Variants in AHRR observed in about 807,000 individuals in gnomAD.
AHRR encodes aryl hydrocarbon receptor repressor.
In AHRR, 28 loss-of-function variants were observed where a neutral mutation model predicts 44.0. The observed-to-expected ratio is 0.64, with a 90% CI of 0.47 to 0.87. The LOEUF (loss-of-function observed/expected upper bound fraction) is 0.87, where lower values mean the gene tolerates loss of function less well. AHRR is among the 40% of genes least tolerant of loss of function. The pLI, the probability that AHRR is intolerant of heterozygous loss-of-function variation, is 0.00. For missense variants in AHRR, 990 were observed against 953.9 expected, an observed-to-expected ratio of 1.04 and a Z score of -0.50; for synonymous variants, 434 against 407.0, an observed-to-expected ratio of 1.07 and a Z score of -0.80.
intron 4 of AHRR, among the ~76,000 whole-genome samples, chr5:398,677 T>G (rs1269411810): frequency 1.3e-5 from 2 of 152,186 alleles, no homozygotes; most frequent in Non-Finnish European, 2.9e-5. Context: ...CCACCCCCCT[T>G]GGCTGTTACT....
intron 3 of AHRR, among the ~76,000 whole-genome samples, chr5:371,746 G>A (rs552747573): frequency 6.6e-6 from 1 of 152,326 alleles, no homozygotes; most frequent in Admixed American, 6.5e-5. Flanking sequence ...AATGCTCCCA[G>A]GAGCTGCAGA....
At chr5:340,690 T>TATATATATATA (rs1560881649) in intron 1 of AHRR, among the ~76,000 whole-genome samples, 1 of 15,646 alleles carries the variant, frequency 6.4e-5, no homozygotes, top group African/African-American at 3.2e-4. Flanking sequence ...ATATATATAT[T>TATATATATATA]TTTTTTTTTT....
At chr5:415,599 A>T (rs2720999) in intron 5 of AHRR, among the ~76,000 whole-genome samples, 1 of 107,084 alleles carries the variant, frequency 9.3e-6, no homozygotes, top group Non-Finnish European at 1.9e-5. Flanking sequence ...TAGGGGCCGA[A>T]TCTGCCTGGT....
At position 388,869 on chromosome 5, in the gene AHRR, A is replaced by G. The variant is rs887745331; in HGVS notation, c.351+12153A>G. ...GCTGGGCCAGATGCCTGAGGACACA[A>G]TGCTCATGACAAAAGCAGCAGGTGC... On this transcript the variant is annotated intron_variant, in intron 4 of 10. Transcript: ENST00000684583. This position sits in a 1 kb window ranked among gnomAD's most constrained non-coding sequence, Gnocchi z 5.2. Among the ~76,000 whole-genome samples, 1 of 152,146 alleles carries G rather than the reference A, an allele frequency of 6.6e-6. No individual in the cohort carries two copies. The highest frequency in any genetic ancestry group is 1.5e-5 in the Non-Finnish European group (1 of 68,016).
At chr5:350,775 T>TAAAAAAAAAA (rs11306149) in intron 2 of AHRR, among the ~76,000 whole-genome samples, 2 of 133,496 alleles carry the variant, frequency 1.5e-5, no homozygotes, top group Non-Finnish European at 1.6e-5. Context: ...GGTGCAACAT[T>TAAAAAAAAAA]AAAAAAAAAA....
At chr5:418,657 GC>G (rs138703766) in intron 5 of AHRR, 35,402 of 152,222 alleles carry the variant, frequency 0.23, 5,335 homozygotes, top group Non-Finnish European at 0.34. Context: ...GCTCAGGGTT[GC>G]CTGTGGAAAC....
chr5:403,680 G>A, intron 4 of AHRR: 2 of 665,624 alleles, frequency 3.0e-6, no homozygotes, highest in East Asian at 5.5e-5. Flanking sequence ...AGTTAAAATG[G>A]TATTTTTTTT....
In AHRR at chr5:434,223, C is replaced by T. The variant is rs1188100517; in HGVS notation, c.1483C>T (p.Pro495Ser). 3.8e-6 allele frequency: 6 copies of T among 1,590,710 alleles called. No homozygotes were observed. In the South Asian group the frequency reaches 5.8e-5, roughly 15 times the overall value. ...GAGCCTGCAGCACCAGCTCCCTCAGCCTGGAGCTCAGCGTTTTGCCACGAG... is the reference window on the plus strand; with the variant it reads ...GAGCCTGCAGCACCAGCTCCCTCAGTCTGGAGCTCAGCGTTTTGCCACGAG... ...QRSLQHQLPQ[P>S]GAQRFATRGY... The change falls in exon 11 of 11, where the codon CCT (proline) becomes TCT (serine). Residue 495 changes from proline (P) to serine (S), a missense_variant. Transcript: ENST00000684583.
intron 3 of AHRR, among the ~76,000 whole-genome samples, chr5:354,420 C>T (rs906322209): frequency 6.6e-5 from 10 of 152,104 alleles, no homozygotes; most frequent in Non-Finnish European, 1.2e-4. Flanking sequence ...CACGCCAGGC[C>T]GTGCCCGGAC....
intron 7 of AHRR, 167 bp from the exon 8 acceptor site, chr5:427,640 C>CG: frequency 6.2e-7 from 1 of 1,613,390 alleles, no homozygotes; most frequent in South Asian, 1.1e-5. Flanking sequence ...TCTGCAGGCC[C>CG]GGGGGTCACA....
At chr5:376,557 A>AACCGTGAGGTGAAC in intron 3 of AHRR, 53 bp from the exon 4 acceptor site, 1 of 1,423,180 alleles carries the variant, frequency 7.0e-7, no homozygotes, top group Non-Finnish European at 9.5e-7. Context: ...AATGAAGAAG[A>AACCGTGAGGTGAAC]GTGGCCAGGC....
In AHRR at chr5:376,729, C is replaced by A; in HGVS notation, c.351+13C>A. 2 of 1,591,852 alleles carry A rather than the reference C, an allele frequency of 1.3e-6. No individual in the cohort carries two copies. The highest frequency in any genetic ancestry group is 1.7e-6 in the Non-Finnish European group (2 of 1,168,360). On this transcript the variant is annotated intron_variant, in intron 4 of 10. Transcript: ENST00000684583. ...GCTGCTGTTGGAGGTGAGTGCCACC[C>A]TTGGTACCTCGAACACTTGACACTT...
rs1373147671 is a variant in AHRR, at chr5:345,299, G to C, written c.62+1335G>C. On this transcript the variant is annotated intron_variant, in intron 2 of 10. Coordinates refer to ENST00000684583, the MANE Select transcript of AHRR (RefSeq NM_001377236.1). ...GTGTGTGTGTCGGATGATGTCCCTG[G>C]CTGTGTGTGGGGATGTGTGTGTGTG... 3.5e-5 allele frequency among the ~76,000 whole-genome samples: 4 copies of C among 115,382 alleles called. No individual in the cohort carries two copies. In the Admixed American group the frequency reaches 3.5e-4, roughly 10 times the overall value. The allele number at this position is 115,382 out of a possible 152,430, so 75.7% of individuals were successfully genotyped here. A position where few individuals can be genotyped will look rare whatever the true frequency, so the allele number is the denominator to read the frequency against.
chr5:410,653 A>G (rs193062926), intron 4 of AHRR, among the ~76,000 whole-genome samples: 3 of 152,360 alleles, frequency 2.0e-5, no homozygotes, highest in East Asian at 3.8e-4. Flanking sequence ...ATCCAGGAAC[A>G]CTGTGTATCT....
rs1742219318 is a variant in AHRR at position 338,464 on chromosome 5, C to T, written c.-10-5429C>T. ...TTCTTTCAGCTTTAAAGATGTTGCT[C>T]CACTACCTTCTTGTTTCTGATGAGG... On this transcript the variant is annotated intron_variant, in intron 1 of 10. Coordinates refer to ENST00000684583, the MANE Select transcript of AHRR (RefSeq NM_001377236.1). The surrounding 1 kb of genome is among the most constrained non-coding windows in gnomAD (Gnocchi z 4.1). Among the ~76,000 whole-genome samples the T allele has an allele frequency of 6.6e-6, 1 of 152,096 alleles. No homozygotes were observed. Among genetic ancestry groups the T allele is most frequent in the Non-Finnish European group, 1.5e-5 (1 of 68,024 alleles).
In AHRR at chr5:342,617, T is replaced by A. The variant is rs898516695; in HGVS notation, c.-10-1276T>A. On this transcript the variant is annotated intron_variant, in intron 1 of 10. Coordinates refer to ENST00000684583, the MANE Select transcript of AHRR (RefSeq NM_001377236.1). The surrounding 1 kb of genome is among the most constrained non-coding windows in gnomAD (Gnocchi z 4.3). ...CCACACAAGGTGGATATTGCGTGAG[T>A]CTGCCTCCTCTTCCAGGCTACACTC... is the stretch of plus-strand genomic sequence containing the variant. Among the ~76,000 whole-genome samples the A allele has an allele frequency of 6.6e-6, 1 of 152,222 alleles. No homozygotes were observed. The highest frequency in any genetic ancestry group is 1.5e-5 in the Non-Finnish European group (1 of 68,038).
At position 342,365 on chromosome 5, in the gene AHRR, T is replaced by C. The variant is rs1742375304; in HGVS notation, c.-10-1528T>C. Reference sequence around the variant, plus strand: ...TTGCTAGGTACATTTACCTTTAGGATTGTCAGATCTTCTTGGAAAATTGAC... The same window carrying C: ...TTGCTAGGTACATTTACCTTTAGGACTGTCAGATCTTCTTGGAAAATTGAC... On this transcript the variant is annotated intron_variant, in intron 1 of 10. Transcript: ENST00000684583. This position sits in a 1 kb window ranked among gnomAD's most constrained non-coding sequence, Gnocchi z 4.3. Among the ~76,000 whole-genome samples the C allele has an allele frequency of 6.6e-6, 1 of 152,238 alleles. No individual in the cohort carries two copies. The highest frequency in any genetic ancestry group is 1.5e-5 in the Non-Finnish European group (1 of 68,044).
rs981416286 is a variant in AHRR at position 342,338 on chromosome 5, C to T, written c.-10-1555C>T. On this transcript the variant is annotated intron_variant, in intron 1 of 10. Transcript: ENST00000684583. The surrounding 1 kb of genome is among the most constrained non-coding windows in gnomAD (Gnocchi z 4.3). Reference sequence around the variant, plus strand: ...TTTTGCTTCATGTGTTTTGAAGCTCCATTGCTAGGTACATTTACCTTTAGG... The same window carrying T: ...TTTTGCTTCATGTGTTTTGAAGCTCTATTGCTAGGTACATTTACCTTTAGG... 6.6e-6 allele frequency among the ~76,000 whole-genome samples: 1 copy of T among 152,266 alleles called. No homozygotes were observed. The highest frequency in any genetic ancestry group is 2.4e-5 in the African/African-American group (1 of 41,540).
chr5:423,321 C>T (rs1053940888), intron 6 of AHRR, among the ~76,000 whole-genome samples: 8 of 152,322 alleles, frequency 5.3e-5, no homozygotes, highest in Middle Eastern at 3.4e-3. Flanking sequence ...TCTCAACCTC[C>T]CTGTGGCGCT....
Sources: gnomAD v4.1 joint callset for allele counts (sites outside exome capture counted in the v4.1 genomes callset) on GRCh38, gnomAD v4.1.1 for gene constraint, Gnocchi (gnomAD v3.1) non-coding constraint, MANE v1.5 for transcripts, NCBI Gene and HGNC (gene_info 2026-07-23, HGNC 2026-07-21) for gene names.